Variants in MALRD1 observed in about 807,000 individuals in gnomAD.
MALRD1 encodes MAM and LDL receptor class A domain containing 1.
A neutral mutation model predicts 242.1 loss-of-function variants in MALRD1; 247 were observed. That is an observed-to-expected ratio of 1.02 (90% CI 0.92 to 1.13). MALRD1 has a LOEUF of 1.13. MALRD1 is among the 50% of genes most tolerant of loss of function. MALRD1 has a pLI of 0.00. For missense variants in MALRD1, 2,989 were observed against 2,533.1 expected, an observed-to-expected ratio of 1.18 and a Z score of -3.86; for synonymous variants, 995 against 866.6, an observed-to-expected ratio of 1.15 and a Z score of -2.60.
intron 2 of MALRD1, among the ~76,000 whole-genome samples, chr10:19,069,676 C>CT (rs900539468): frequency 1.3e-3 from 195 of 148,748 alleles, no homozygotes; most frequent in African/African-American, 4.3e-3. Flanking sequence ...TTTTCATGGT[C>CT]TTTTTTTTTC....
intron 21 of MALRD1, among the ~76,000 whole-genome samples, chr10:19,301,440 A>G (rs1191493052): frequency 6.6e-6 from 1 of 151,870 alleles, no homozygotes; most frequent in Non-Finnish European, 1.5e-5. Context: ...GCTGTTCACA[A>G]TAACAAAGAC....
At chr10:19,546,821 T>C (rs958000148) in intron 32 of MALRD1, among the ~76,000 whole-genome samples, 4 of 152,206 alleles carry the variant, frequency 2.6e-5, no homozygotes, top group African/African-American at 9.7e-5. Flanking sequence ...TTTATGTCAG[T>C]GTTTTTCCTG....
At chr10:19,066,965 C>A in intron 2 of MALRD1, 106 bp downstream of exon 2, 1 of 817,938 alleles carries the variant, frequency 1.2e-6, no homozygotes, top group Non-Finnish European at 1.6e-6. Flanking sequence ...CGTTCCCCAC[C>A]ACATGTTTAA....
intron 2 of MALRD1, among the ~76,000 whole-genome samples, chr10:19,081,745 C>T (rs1835498191): frequency 6.6e-6 from 1 of 151,962 alleles, no homozygotes; most frequent in Non-Finnish European, 1.5e-5. Flanking sequence ...CCTGCACATC[C>T]TGCATGTGTA....
At chr10:19,406,143 T>C (rs780959967) in intron 28 of MALRD1, among the ~76,000 whole-genome samples, 2 of 152,206 alleles carry the variant, frequency 1.3e-5, no homozygotes, top group Non-Finnish European at 2.9e-5. Context: ...CACCAAATGC[T>C]ATACCAGTGG....
intron 38 of MALRD1, among the ~76,000 whole-genome samples, chr10:19,707,239 T>C (rs12359155): frequency 0.083 from 12,614 of 152,082 alleles, 617 homozygotes; most frequent in African/African-American, 0.13. Flanking sequence ...CTCCTCCTTC[T>C]CCTTCTTCTT....
At chr10:19,455,256 G>C (rs1434910078) in intron 29 of MALRD1, among the ~76,000 whole-genome samples, 1 of 152,070 alleles carries the variant, frequency 6.6e-6, no homozygotes, top group Non-Finnish European at 1.5e-5. Flanking sequence ...GTAAAGAAAG[G>C]GTTATCGTAT....
intron 18 of MALRD1, among the ~76,000 whole-genome samples, chr10:19,240,465 A>G (rs534106497): frequency 2.8e-4 from 43 of 152,184 alleles, no homozygotes; most frequent in African/African-American, 9.1e-4. Context: ...CTATATGATC[A>G]TATATATAGA....
At chr10:19,351,642 A>T (rs1412148257) in intron 25 of MALRD1, among the ~76,000 whole-genome samples, 2 of 152,196 alleles carry the variant, frequency 1.3e-5, no homozygotes, top group Admixed American at 1.3e-4. Flanking sequence ...TTAATCATGA[A>T]AAGTCTTTTT....
At chr10:19,572,246 G>A (rs1345916191) in intron 33 of MALRD1, among the ~76,000 whole-genome samples, 4 of 152,186 alleles carry the variant, frequency 2.6e-5, no homozygotes, top group Non-Finnish European at 5.9e-5. Flanking sequence ...GCAGAAGAGT[G>A]TGTTTATTTG....
chr10:19,107,558 A>G (rs1225298287), intron 5 of MALRD1, among the ~76,000 whole-genome samples: 8 of 134,486 alleles, frequency 5.9e-5, no homozygotes, highest in Non-Finnish European at 3.1e-5. Context: ...GCAGCATATA[A>G]TTTGGTCTTT....
intron 18 of MALRD1, among the ~76,000 whole-genome samples, chr10:19,253,082 G>T (rs1839363927): frequency 6.6e-6 from 1 of 151,898 alleles, no homozygotes; most frequent in South Asian, 2.1e-4. Flanking sequence ...GTTAAAATGG[G>T]CTAAAAGAGA....
intron 10 of MALRD1, among the ~76,000 whole-genome samples, chr10:19,142,189 AAAAAAAAAGTGG>A (rs908698627): frequency 3.3e-5 from 5 of 150,812 alleles, no homozygotes; most frequent in Middle Eastern, 3.5e-3. Flanking sequence ...AAAAAAAAAA[AAAAAAAAAGTGG>A]AATGCTAAAA....
intron 25 of MALRD1, among the ~76,000 whole-genome samples, chr10:19,349,055 A>T (rs1290714361): frequency 1.3e-5 from 2 of 152,056 alleles, no homozygotes; most frequent in East Asian, 3.9e-4. Context: ...TCCACCTGCC[A>T]GGTTCAAGTG....
chr10:19,643,095 GAATTAGTAGTAATGTGGT>G (rs934592158), intron 36 of MALRD1, among the ~76,000 whole-genome samples: 2 of 151,980 alleles, frequency 1.3e-5, no homozygotes, highest in African/African-American at 2.4e-5. Context: ...CTCTGTTGTA[GAATTAGTAGTAATGTGGT>G]AATTAGTAGT....
chr10:19,315,592 T>TATA lies in MALRD1; in HGVS notation c.3420-8355_3420-8354insAAT, dbSNP rs1173998525. 4.3e-3 allele frequency among the ~76,000 whole-genome samples: 288 copies of TATA among 66,378 alleles called. 42 individuals carry two copies. Among genetic ancestry groups the TATA allele is most frequent in the Non-Finnish European group, 8.2e-3 (220 of 26,948 alleles). 43.5% of individuals were successfully genotyped at this position (66,378 alleles called of 152,430 possible). ...AAATATATAAATTATAAATTATAAA[T>TATA]ATTTATATAAATTATAAATATTTAT... On this transcript the variant is annotated intron_variant, in intron 21 of 39. Coordinates refer to ENST00000454679, the MANE Select transcript of MALRD1 (RefSeq NM_001142308.3).
chr10:19,421,147 C>T (rs1833704793), intron 28 of MALRD1, among the ~76,000 whole-genome samples: 1 of 152,110 alleles, frequency 6.6e-6, no homozygotes, highest in South Asian at 2.1e-4. Flanking sequence ...TCAAATCAGC[C>T]AAAACAACAA....
At chr10:19,281,063 T>C (rs1840780142) in intron 20 of MALRD1, among the ~76,000 whole-genome samples, 3 of 152,132 alleles carry the variant, frequency 2.0e-5, no homozygotes, top group Admixed American at 6.6e-5. Context: ...AGAAATCCAG[T>C]GAGGTTCATA....
At chr10:19,695,160 A>G (rs909839032) in intron 38 of MALRD1, among the ~76,000 whole-genome samples, 3 of 152,268 alleles carry the variant, frequency 2.0e-5, no homozygotes, top group Admixed American at 2.0e-4. Flanking sequence ...AACATGGTGC[A>G]TGTATACATA....
Sources: gnomAD v4.1 joint callset for allele counts (sites outside exome capture counted in the v4.1 genomes callset) on GRCh38, gnomAD v4.1.1 for gene constraint, MANE v1.5 for transcripts, NCBI Gene and HGNC (gene_info 2026-07-23, HGNC 2026-07-21) for gene names.